The following CHI3L2 variants were observed in gnomAD, a reference collection of about 807,000 sequenced individuals.
The protein encoded by CHI3L2 is chitinase-3-like protein 2.
CHI3L2 carries 47 observed loss-of-function variants against 47.3 expected under a neutral mutation model. The ratio of observed to expected loss-of-function variants is 0.99; its 90% CI spans 0.79 to 1.27. CHI3L2 has a LOEUF of 1.27. Ranked by LOEUF, CHI3L2 falls within the 50% of genes most tolerant of loss-of-function variation. CHI3L2 has a pLI of 0.00. For missense variants in CHI3L2, 497 were observed against 462.1 expected (o/e 1.08, Z -0.69); for synonymous variants, 198 against 169.9 (o/e 1.17, Z -1.28).
Position 111,231,274 on chromosome 1 carries a change from G to T in CHI3L2, c.309G>T (p.Gly103=). 6.2e-7 allele frequency: 1 copy of T among 1,611,246 alleles called. No individual in the cohort carries two copies. Among genetic ancestry groups the T allele is most frequent in the Non-Finnish European group, 8.5e-7 (1 of 1,177,622 alleles). The part of the protein sequence containing the change: ...PKLKILLSIG[G]YLFGSKGFHP... ...TGAAAATTCTCTTGTCCATTGGAGGGTACCTGTTTGGTTCCAAAGGGTAAG... is the reference window on the plus strand; with the variant it reads ...TGAAAATTCTCTTGTCCATTGGAGGTTACCTGTTTGGTTCCAAAGGGTAAG... Residue 103 remains glycine, a synonymous_variant, in exon 4 of 11, where the codon GGG becomes GGT. Coordinates refer to ENST00000369748, the MANE Select transcript of CHI3L2 (RefSeq NM_004000.3).
At chr1:111,242,945 T>G (rs2101560421) in intron 10 of CHI3L2, among the ~76,000 whole-genome samples, 1 of 152,308 alleles carries the variant, frequency 6.6e-6, no homozygotes, top group Non-Finnish European at 1.5e-5. Flanking sequence ...TATCCTCCTG[T>G]GCAGATGAAG....
At chr1:111,238,557 A>G (rs1659950144) in intron 7 of CHI3L2, among the ~76,000 whole-genome samples, 193 bp from the exon 8 acceptor site, 1 of 152,252 alleles carries the variant, frequency 6.6e-6, no homozygotes, top group African/African-American at 2.4e-5. Context: ...AAAAAGTTGC[A>G]TAAGCCTCTT....
intron 7 of CHI3L2, 30 bp downstream of exon 7, chr1:111,236,183 C>T (rs370442077): frequency 5.6e-6 from 9 of 1,612,036 alleles, no homozygotes; most frequent in Admixed American, 5.0e-5. Context: ...CGCAGGGGTA[C>T]TGGCTGTGGG....
intron 8 of CHI3L2, 84 bp from the exon 9 acceptor site, chr1:111,241,243 T>C: frequency 2.5e-6 from 2 of 793,498 alleles, no homozygotes; most frequent in South Asian, 2.7e-5. Flanking sequence ...CCCAAGTCCC[T>C]AGTGGCTCAC....
chr1:111,232,034 TGAGA>T (rs1243790944), intron 4 of CHI3L2, among the ~76,000 whole-genome samples: 3 of 152,370 alleles, frequency 2.0e-5, no homozygotes, highest in East Asian at 1.9e-4. Flanking sequence ...TAAATTTGGC[TGAGA>T]GAGTCTTGGA....
At chr1:111,235,559 C>T (rs891876482) in intron 5 of CHI3L2, 80 bp from the exon 6 acceptor site, 3 of 1,482,180 alleles carry the variant, frequency 2.0e-6, no homozygotes, top group African/African-American at 1.4e-5. Flanking sequence ...GTTCTAGAAA[C>T]CTCATAGATT....
At chr1:111,230,702 C>A in intron 2 of CHI3L2, 40 bp from the exon 3 acceptor site, 1 of 1,526,568 alleles carries the variant, frequency 6.6e-7, no homozygotes. Context: ...TCTAAGGCAA[C>A]AGCCCTAGAG....
chr1:111,243,137 G>A, intron 10 of CHI3L2, 80 bp from the exon 11 acceptor site: 1 of 455,962 alleles, frequency 2.2e-6, no homozygotes, highest in Non-Finnish European at 4.4e-6. Flanking sequence ...TTCCAACTCT[G>A]AGCATCCATT....
chr1:111,242,230 C>G lies in CHI3L2; in HGVS notation c.1039C>G (p.Gln347Glu). 6.2e-7 allele frequency: 1 copy of G among 1,614,112 alleles called. No individual in the cohort carries two copies. The change falls in exon 10 of 11, where the codon CAG (glutamine) becomes GAG (glutamate). Residue 347 changes from glutamine to glutamate, a missense_variant. By Grantham distance (29) the Gln-to-Glu change is conservative (BLOSUM62 2). Coordinates refer to ENST00000369748, the MANE Select transcript of CHI3L2 (RefSeq NM_004000.3). ...TATCCTTCTGTGTCTCCCATAGGTT[C>G]AGTTCTTAAAGAATTTAAACCTGGG... ...DDVKSMETKVQFLKNLNLGGA... is the reference protein window; with the variant it reads ...DDVKSMETKVEFLKNLNLGGA...
At chr1:111,240,695 T>C (rs1250006800) in intron 8 of CHI3L2, among the ~76,000 whole-genome samples, 2 of 152,232 alleles carry the variant, frequency 1.3e-5, no homozygotes, top group African/African-American at 4.8e-5. Flanking sequence ...ATTTTCTATG[T>C]GATGTTGAAA....
At position 111,242,212 on chromosome 1, in the gene CHI3L2, C is replaced by T. The variant is rs199525345; in HGVS notation, c.1036-15C>T. 5.0e-6 allele frequency: 8 copies of T among 1,614,088 alleles called. No homozygotes were observed. The Admixed American group carries it at 1.2e-4, about 24-fold the overall frequency. On this transcript the variant is annotated splice_polypyrimidine_tract_variant and intron_variant, in intron 9 of 10. Transcript: ENST00000369748. ...ACCCTTCGAATCTCTGTGTATCCTT[C>T]TGTGTCTCCCATAGGTTCAGTTCTT...
chr1:111,231,476 G>C, intron 4 of CHI3L2, 182 bp downstream of exon 4: 1 of 557,544 alleles, frequency 1.8e-6, no homozygotes, highest in Non-Finnish European at 3.2e-6. Context: ...TGGGGTCTTT[G>C]AAGGAATTCT....
chr1:111,235,572 A>G lies in CHI3L2; in HGVS notation c.481-67A>G. ...TGGTTCTAGAAACCTCATAGATTCC[A>G]GGCAAGAAGCTTAGCACTGTACTCT... On this transcript the variant is annotated intron_variant, in intron 5 of 10. Coordinates refer to ENST00000369748, the MANE Select transcript of CHI3L2 (RefSeq NM_004000.3). 3 of 1,525,886 alleles carry G rather than the reference A, an allele frequency of 2.0e-6. No individual in the cohort carries two copies. The South Asian group carries it at 3.8e-5, about 19-fold the overall frequency. The allele number at this position is 1,525,886 out of a possible 1,614,324, so 94.5% of individuals were successfully genotyped here.
intron 5 of CHI3L2, 38 bp downstream of exon 5, chr1:111,235,095 C>T: frequency 1.9e-6 from 3 of 1,602,320 alleles, no homozygotes; most frequent in Non-Finnish European, 2.6e-6. Context: ...GAGTCAGATG[C>T]CACGGTGTAC....
chr1:111,232,073 A>T (rs1659738490), intron 4 of CHI3L2, among the ~76,000 whole-genome samples: 1 of 152,250 alleles, frequency 6.6e-6, no homozygotes, highest in Non-Finnish European at 1.5e-5. Context: ...CTGATAGTAC[A>T]ACTTGTGCAA....
Position 111,230,741 on chromosome 1 carries a change from G to A in CHI3L2, c.71-1G>A, listed in dbSNP as rs774193123. ...CACTGGCTCTCTTCACTCTACTCCAGGATCTGCCTACAAACTGGTTTGCTA... is the reference window on the plus strand; with the variant it reads ...CACTGGCTCTCTTCACTCTACTCCAAGATCTGCCTACAAACTGGTTTGCTA... On this transcript the variant is annotated splice_acceptor_variant, in intron 2 of 10. Coordinates refer to ENST00000369748, the MANE Select transcript of CHI3L2 (RefSeq NM_004000.3). LOFTEE classifies it high-confidence loss of function. The A allele has an allele frequency of 1.2e-6, 2 of 1,613,944 alleles. No individual in the cohort carries two copies. Among genetic ancestry groups the A allele is most frequent in the East Asian group, 2.2e-5 (1 of 44,882 alleles).
At chr1:111,242,507 T>C (rs547443187) in intron 10 of CHI3L2, 141 bp downstream of exon 10, 3 of 847,434 alleles carry the variant, frequency 3.5e-6, no homozygotes, top group African/African-American at 3.5e-5. Flanking sequence ...TTCTTAGCAA[T>C]TAGGCTGGTT....
intron 2 of CHI3L2, 132 bp downstream of exon 2, chr1:111,230,013 A>T: frequency 1.0e-6 from 1 of 954,522 alleles, no homozygotes; most frequent in Non-Finnish European, 1.6e-6. Flanking sequence ...TGACATATTT[A>T]TGACACTGAG....
chr1:111,234,276 A>G (rs1363258284), intron 4 of CHI3L2, among the ~76,000 whole-genome samples: 1 of 152,178 alleles, frequency 6.6e-6, no homozygotes, highest in African/African-American at 2.4e-5. Context: ...TGAAACGGGG[A>G]AAAAGACCTC....
Sources: gnomAD v4.1 joint callset for allele counts (sites outside exome capture counted in the v4.1 genomes callset) on GRCh38, gnomAD v4.1.1 for gene constraint, MANE v1.5 for transcripts, NCBI Gene and HGNC (gene_info 2026-07-23, HGNC 2026-07-21) for gene names.